The following CNDP1 variants were observed in gnomAD, a reference collection of about 807,000 sequenced individuals.
The protein encoded by CNDP1 is carnosine dipeptidase 1, also known as beta-Ala-His dipeptidase.
In CNDP1, 44 loss-of-function variants were observed where a neutral mutation model predicts 58.1. That is an observed-to-expected ratio of 0.76 (90% CI 0.60 to 0.97). The LOEUF is 0.97. Ranked by LOEUF, CNDP1 falls within the 50% of genes least tolerant of loss-of-function variation. The pLI is 0.00. For synonymous variants in CNDP1, 254 were observed against 252.6 expected (o/e 1.01, Z -0.05); for missense variants, 616 against 655.1 (o/e 0.94, Z 0.65).
chr18:74,579,790 T>G (rs775021400), intron 9 of CNDP1, among the ~76,000 whole-genome samples: 1 of 152,226 alleles, frequency 6.6e-6, no homozygotes, highest in Non-Finnish European at 1.5e-5. Context: ...GCTTCATCAC[T>G]TTCAACAAGT....
rs570327713 is a variant in CNDP1, at chr18:74,562,736, C to T, written c.555+601C>T. Among the ~76,000 whole-genome samples, 91 of 152,288 alleles carry T rather than the reference C, an allele frequency of 6.0e-4. No individual in the cohort carries two copies. In the East Asian group the frequency reaches 7.7e-3, roughly 13 times the overall value. ...TTTGAGGAGGTGGGTCCCCTCTTTC[C>T]GGCCTCCAGAGGACATTGTTGGTGG... is the stretch of plus-strand genomic sequence containing the variant. On this transcript the variant is annotated intron_variant, in intron 5 of 11. Coordinates refer to ENST00000358821, the MANE Select transcript of CNDP1 (RefSeq NM_032649.6).
chr18:74,581,425 C>T (rs1981789373), intron 10 of CNDP1, among the ~76,000 whole-genome samples: 1 of 152,096 alleles, frequency 6.6e-6, no homozygotes, highest in Non-Finnish European at 1.5e-5. Flanking sequence ...GATGCAAGCA[C>T]AGCATTGCCC....
intron 9 of CNDP1, among the ~76,000 whole-genome samples, chr18:74,579,484 G>C (rs1981733370): frequency 6.6e-6 from 1 of 151,702 alleles, no homozygotes; most frequent in South Asian, 2.1e-4. Flanking sequence ...GTTCACAGCT[G>C]TATCCGCAGC....
At chr18:74,564,321 A>G (rs1981274606) in intron 5 of CNDP1, among the ~76,000 whole-genome samples, 1 of 152,208 alleles carries the variant, frequency 6.6e-6, no homozygotes, top group South Asian at 2.1e-4. Context: ...TATAAATTAT[A>G]AAGATATAAA....
chr18:74,562,203 T>G, intron 5 of CNDP1, 68 bp downstream of exon 5: 2 of 1,444,356 alleles, frequency 1.4e-6, no homozygotes, highest in South Asian at 2.3e-5. Context: ...TTGAGTTGTT[T>G]GCTGTGTTCT....
At chr18:74,548,493 A>G (rs951443154) in intron 1 of CNDP1, among the ~76,000 whole-genome samples, 1 of 152,138 alleles carries the variant, frequency 6.6e-6, no homozygotes, top group African/African-American at 2.4e-5. Flanking sequence ...CTTCAGAACC[A>G]TGAGCCAATT....
At chr18:74,578,356 T>C in intron 9 of CNDP1, 29 bp downstream of exon 9, 2 of 1,581,444 alleles carry the variant, frequency 1.3e-6, no homozygotes, top group Non-Finnish European at 1.7e-6. Context: ...GACAATAACA[T>C]GTTTCAGTAA....
chr18:74,569,930 A>G (rs1356681330), intron 6 of CNDP1, among the ~76,000 whole-genome samples: 1 of 151,880 alleles, frequency 6.6e-6, no homozygotes. Context: ...TCATGCCTGT[A>G]ATCCTAGCAC....
At chr18:74,543,514 T>C (rs4892238) in intron 1 of CNDP1, among the ~76,000 whole-genome samples, 17 of 81,006 alleles carry the variant, frequency 2.1e-4, no homozygotes, top group African/African-American at 4.7e-4. Flanking sequence ...CAAAACAAAA[T>C]AAAATAAAAT....
intron 7 of CNDP1, chr18:74,576,125 C>T (rs1315167952): frequency 6.6e-6 from 1 of 151,900 alleles, no homozygotes; most frequent in Admixed American, 6.6e-5. Flanking sequence ...GCCTCGGCCT[C>T]CCAAACTGCT....
At chr18:74,550,761 TG>T (rs1980884345) in intron 1 of CNDP1, among the ~76,000 whole-genome samples, 3 of 151,092 alleles carry the variant, frequency 2.0e-5, no homozygotes, top group Non-Finnish European at 2.9e-5. Context: ...TTTTGTTTTT[TG>T]TTTTTTGTTT....
At chr18:74,564,452 A>T (rs1981277627) in intron 5 of CNDP1, among the ~76,000 whole-genome samples, 1 of 152,258 alleles carries the variant, frequency 6.6e-6, no homozygotes, top group Non-Finnish European at 1.5e-5. Context: ...AAAGCCTTTG[A>T]ATAAGTTAAA....
At chr18:74,565,696 C>T (rs1426378409) in intron 5 of CNDP1, among the ~76,000 whole-genome samples, 1 of 152,224 alleles carries the variant, frequency 6.6e-6, no homozygotes, top group Middle Eastern at 3.2e-3. Context: ...TTGCAGGGTA[C>T]AGCCTCCCTC....
intron 1 of CNDP1, among the ~76,000 whole-genome samples, chr18:74,537,094 C>T (rs1202399754): frequency 2.0e-5 from 3 of 152,158 alleles, no homozygotes; most frequent in African/African-American, 4.8e-5. Flanking sequence ...TGTCCGTTTA[C>T]TCTGTTGATA....
chr18:74,544,807 T>C (rs1184580824), intron 1 of CNDP1, among the ~76,000 whole-genome samples: 1 of 148,246 alleles, frequency 6.7e-6, no homozygotes, highest in Non-Finnish European at 1.5e-5. Flanking sequence ...CCTTCAAAAA[T>C]GCCTGTCCAC....
chr18:74,557,545 C>A (rs1981075104), intron 2 of CNDP1, among the ~76,000 whole-genome samples: 1 of 152,060 alleles, frequency 6.6e-6, no homozygotes, highest in African/African-American at 2.4e-5. Context: ...CCTCCCCACC[C>A]CCACTCTCCT....
chr18:74,544,279 G>T (rs901977122), intron 1 of CNDP1, among the ~76,000 whole-genome samples: 6 of 152,210 alleles, frequency 3.9e-5, no homozygotes, highest in Middle Eastern at 3.4e-3. Flanking sequence ...AAATAAATGT[G>T]CATTGGCATC....
chr18:74,576,161 C>G (rs555085018), intron 7 of CNDP1: 2 of 152,172 alleles, frequency 1.3e-5, no homozygotes, highest in African/African-American at 4.8e-5. Flanking sequence ...AGCCACCGCG[C>G]CTGGCCGTAT....
chr18:74,549,181 A>T (rs547546225), intron 1 of CNDP1, among the ~76,000 whole-genome samples: 30 of 152,374 alleles, frequency 2.0e-4, no homozygotes, highest in African/African-American at 6.5e-4. Context: ...AACAACAGAC[A>T]TCATTCTATT....
Sources: gnomAD v4.1 joint callset for allele counts (sites outside exome capture counted in the v4.1 genomes callset) on GRCh38, gnomAD v4.1.1 for gene constraint, MANE v1.5 for transcripts, NCBI Gene and HGNC (gene_info 2026-07-23, HGNC 2026-07-21) for gene names.